CHD9: variants seen among roughly 807,000 people sequenced by gnomAD.
CHD9 encodes ATP-dependent chromatin remodeler CHD9.
CHD9 carries 77 observed loss-of-function variants against 316.1 expected under a neutral mutation model. That is an observed-to-expected ratio of 0.24 (90% CI 0.20 to 0.29). The LOEUF is 0.29. Among genes scored for constraint, CHD9 ranks in the 10% least tolerant of loss-of-function variants. The probability of loss-of-function intolerance (pLI) is 1.00; values close to 1 mark genes in which losing one functional copy is unlikely to be tolerated. For missense variants in CHD9, 2,763 were observed against 3,438.1 expected (o/e 0.80, Z 4.91); for synonymous variants, 1,129 against 1,158.3 (o/e 0.97, Z 0.51).
chr16:53,317,179 AAAG>A (rs1258696421), intron 36 of CHD9, among the ~76,000 whole-genome samples: 6 of 151,804 alleles, frequency 4.0e-5, no homozygotes, highest in African/African-American at 7.2e-5. Context: ...AAAAAAAAAA[AAAG>A]AAAAGAGGAT....
chr16:53,065,106 C>A (rs763365080), intron 1 of CHD9, among the ~76,000 whole-genome samples: 4 of 152,200 alleles, frequency 2.6e-5, no homozygotes, highest in African/African-American at 4.8e-5. Context: ...GTGGGAAAGT[C>A]AGAATCTAGT....
intron 1 of CHD9, among the ~76,000 whole-genome samples, chr16:53,078,761 T>G (rs1419472787): frequency 6.6e-6 from 1 of 152,142 alleles, no homozygotes; most frequent in African/African-American, 2.4e-5. Context: ...CCCTAACTCC[T>G]CATGGCTCCT....
Position 53,314,811 on chromosome 16 carries a change from G to GTT in CHD9, c.7363-6_7363-5dup, listed in dbSNP as rs748254984. 1.9e-6 allele frequency: 3 copies of GTT among 1,562,482 alleles called. No individual in the cohort carries two copies. Among genetic ancestry groups the GTT allele is most frequent in the Non-Finnish European group, 1.7e-6 (2 of 1,143,022 alleles). On this transcript the variant is annotated splice_polypyrimidine_tract_variant and intron_variant, in intron 35 of 38. Coordinates refer to ENST00000447540, the MANE Select transcript of CHD9 (RefSeq NM_001308319.2). ...TATGAAAATAAAGATACCATTTGGT[G>GTT]TTTTTTTACAGGTTTCTTTAGGCTT... is the stretch of plus-strand genomic sequence containing the variant.
intron 2 of CHD9, among the ~76,000 whole-genome samples, chr16:53,193,456 GA>G (rs139226781): frequency 0.28 from 41,994 of 147,574 alleles, 5,877 homozygotes; most frequent in Middle Eastern, 0.33. Flanking sequence ...CCCAAAATAA[GA>G]AAAAAAAAAA....
chr16:53,232,474 A>AATT (rs1296054534), intron 10 of CHD9, among the ~76,000 whole-genome samples: 1 of 152,158 alleles, frequency 6.6e-6, no homozygotes. Context: ...TAATCCCCTT[A>AATT]ATTAATGTAA....
chr16:53,295,783 A>G (rs1030775768), intron 29 of CHD9, among the ~76,000 whole-genome samples: 7 of 152,152 alleles, frequency 4.6e-5, no homozygotes, highest in African/African-American at 1.2e-4. Context: ...GGCCTGTCCC[A>G]TATGTTTTTT....
rs536627457 is a variant in CHD9, at chr16:53,139,385, A to G, written c.-164-16541A>G. On this transcript the variant is annotated intron_variant, in intron 1 of 38. Transcript: ENST00000447540. Reference sequence around the variant, plus strand: ...ACCTTGTATTAATAAGGTGCTAATCATATAATAAATACTACAAATATAAAT... The same window carrying G: ...ACCTTGTATTAATAAGGTGCTAATCGTATAATAAATACTACAAATATAAAT... 6.6e-5 allele frequency among the ~76,000 whole-genome samples: 10 copies of G among 152,348 alleles called. No homozygotes were observed. In the East Asian group the frequency reaches 1.9e-3, roughly 29 times the overall value.
rs113565319 is a variant in CHD9, at chr16:53,186,269, G to A, written c.1453-23213G>A. ...TCAGCATGCCCTGGATGTGAGACAT[G>A]GAGTCAAAGGAGATCATTTTGGAAC... is the stretch of plus-strand genomic sequence containing the variant. On this transcript the variant is annotated intron_variant, in intron 2 of 38. Coordinates refer to ENST00000447540, the MANE Select transcript of CHD9 (RefSeq NM_001308319.2). 3.2e-3 allele frequency among the ~76,000 whole-genome samples: 486 copies of A among 152,326 alleles called. 8 individuals carry two copies. The highest frequency in any genetic ancestry group is 0.011 in the African/African-American group (467 of 41,568).
rs184203670 is a variant in CHD9, at chr16:53,307,765, G to C, written c.6865G>C (p.Ala2289Pro). ...KWPSARRSYD[A>P]NTVASFYTTK... ...GCCTTCAGCTAGAAGAAGTTATGAT[G>C]CTAACACAGTGGCTTCTTTCTATAC... Residue 2289 changes from alanine (A) to proline (P), a missense_variant, in exon 33 of 39, where the codon GCT becomes CCT. This residue lies in a region of CHD9 where 663 missense variants were observed against 751.2 expected (regional missense o/e 0.88). Coordinates refer to ENST00000447540, the MANE Select transcript of CHD9 (RefSeq NM_001308319.2). The C allele has an allele frequency of 4.3e-5, 70 of 1,612,916 alleles. 2 individuals carry two copies. The African/African-American group carries it at 8.4e-4, about 19-fold the overall frequency.
rs866311297 is a variant in CHD9 at position 53,273,730 on chromosome 16, G to A, written c.4822G>A (p.Glu1608Lys). 3 of 1,613,122 alleles carry A rather than the reference G, an allele frequency of 1.9e-6. No individual in the cohort carries two copies. Among genetic ancestry groups the A allele is most frequent in the Non-Finnish European group, 2.5e-6 (3 of 1,179,498 alleles). The change falls in exon 23 of 39, where the codon GAG becomes AAG. Residue 1608 changes from glutamate (E) to lysine (K), a missense_variant. Physicochemically the swap from Glu to Lys is moderately conservative, Grantham distance 56 (BLOSUM62 1). Coordinates refer to ENST00000447540, the MANE Select transcript of CHD9 (RefSeq NM_001308319.2). ...KAEWLRKYNPEQLLQDEGYKK... is the reference protein window; with the variant it reads ...KAEWLRKYNPKQLLQDEGYKK... ...AGAATGGCTTCGAAAATATAATCCC[G>A]AGCAGCTCCTTCAAGATGAAGGCTA...
At chr16:53,096,296 T>G (rs1178175030) in intron 1 of CHD9, among the ~76,000 whole-genome samples, 1 of 152,090 alleles carries the variant, frequency 6.6e-6, no homozygotes, top group African/African-American at 2.4e-5. Context: ...ACTGTCTTAT[T>G]CAACTTTGGG....
In CHD9 at chr16:53,254,418, G is replaced by A. The variant is rs755131038; in HGVS notation, c.3862-20G>A. The A allele has an allele frequency of 5.3e-6, 8 of 1,516,914 alleles. No individual in the cohort carries two copies. The African/African-American group carries it at 6.9e-5, about 13-fold the overall frequency. 94.0% of individuals were successfully genotyped at this position (1,516,914 alleles called of 1,614,324 possible). ...GCCTTTTGAGAAACTAATTAAATAT[G>A]TAACTTTTCATTTTTATAGGCCCAA... On this transcript the variant is annotated intron_variant, in intron 17 of 38. Transcript: ENST00000447540.
At chr16:53,217,734 ATCTC>A (rs779676943) in intron 3 of CHD9, among the ~76,000 whole-genome samples, 3 of 151,934 alleles carry the variant, frequency 2.0e-5, no homozygotes, top group Non-Finnish European at 4.4e-5. Context: ...TATTTCTAAA[ATCTC>A]TCTCTCTAGA....
At chr16:53,093,177 T>C (rs537177412) in intron 1 of CHD9, among the ~76,000 whole-genome samples, 1 of 152,362 alleles carries the variant, frequency 6.6e-6, no homozygotes, top group East Asian at 1.9e-4. Flanking sequence ...CACCCCTATG[T>C]TCCATTTTTA....
chr16:53,204,105 G>A (rs2045700952), intron 2 of CHD9, among the ~76,000 whole-genome samples: 1 of 131,126 alleles, frequency 7.6e-6, no homozygotes, highest in Admixed American at 7.3e-5. Flanking sequence ...CAAGTAGAAT[G>A]TTTCTTTATC....
Position 53,322,772 on chromosome 16 carries a change from G to A in CHD9, c.7818+1142G>A, listed in dbSNP as rs1391808353. Among the ~76,000 whole-genome samples, 3 of 152,224 alleles carry A rather than the reference G, an allele frequency of 2.0e-5. No homozygotes were observed. In the East Asian group the frequency reaches 5.8e-4, roughly 29 times the overall value. On this transcript the variant is annotated intron_variant, in intron 38 of 38. Coordinates refer to ENST00000447540, the MANE Select transcript of CHD9 (RefSeq NM_001308319.2). ...TGGAAAGGGCAGGCTATAAAACTAAGTTCGCTGTGATTCTATTTTTTTTGT... is the reference window on the plus strand; with the variant it reads ...TGGAAAGGGCAGGCTATAAAACTAAATTCGCTGTGATTCTATTTTTTTTGT...
At chr16:53,281,456 T>TA (rs2053410275) in intron 24 of CHD9, among the ~76,000 whole-genome samples, 1 of 152,176 alleles carries the variant, frequency 6.6e-6, no homozygotes, top group Non-Finnish European at 1.5e-5. Flanking sequence ...ATCTCACAGT[T>TA]AGACTTTTGC....
chr16:53,084,782 C>T (rs77950672), intron 1 of CHD9, among the ~76,000 whole-genome samples: 5 of 152,090 alleles, frequency 3.3e-5, no homozygotes, highest in African/African-American at 1.2e-4. Flanking sequence ...TCACAGAAGC[C>T]GGAAAGTGTT....
At chr16:53,118,793 C>CTTTT (rs565529283) in intron 1 of CHD9, among the ~76,000 whole-genome samples, 18 of 127,150 alleles carry the variant, frequency 1.4e-4, no homozygotes, top group South Asian at 2.5e-4. Context: ...AGATAACTTT[C>CTTTT]TTTTTTTTTT....
Sources: gnomAD v4.1 joint callset for allele counts (sites outside exome capture counted in the v4.1 genomes callset) on GRCh38, gnomAD v4.1.1 for gene constraint, gnomAD v4.1.1 regional missense constraint, MANE v1.5 for transcripts, NCBI Gene and HGNC (gene_info 2026-07-23, HGNC 2026-07-21) for gene names.